The following DPY19L4 variants were observed in gnomAD, a reference collection of about 807,000 sequenced individuals.
The protein encoded by DPY19L4 is probable C-mannosyltransferase DPY19L4.
Under a neutral mutation model 102.8 loss-of-function variants are expected in DPY19L4, and 97 were observed. That is an observed-to-expected ratio of 0.94 (90% CI 0.80 to 1.12). The LOEUF is 1.12. Among genes scored for constraint, DPY19L4 ranks in the 50% most tolerant of loss-of-function variants. The probability of loss-of-function intolerance (pLI) is 0.00; values close to 1 mark genes in which losing one functional copy is unlikely to be tolerated. For missense variants in DPY19L4, 815 were observed against 850.4 expected (o/e 0.96, Z 0.52); for synonymous variants, 252 against 283.1 (o/e 0.89, Z 1.10).
Position 94,789,743 on chromosome 8 carries a change from T to C in DPY19L4, c.2008-3T>C. 6.3e-7 allele frequency: 1 copy of C among 1,588,624 alleles called. No individual in the cohort carries two copies. On this transcript the variant is annotated splice_region_variant and splice_polypyrimidine_tract_variant and intron_variant, in intron 18 of 18. Transcript: ENST00000414645. ...TAATATTATGTTTTATATCTTTTAA[T>C]AGATGGTTTGTGAAGAAGGTGACAA...
At chr8:94,775,041 A>G (rs1813112457) in intron 13 of DPY19L4, among the ~76,000 whole-genome samples, 1 of 152,198 alleles carries the variant, frequency 6.6e-6, no homozygotes, top group Non-Finnish European at 1.5e-5. Flanking sequence ...AGGCTAAAAA[A>G]TATTTCACTG....
chr8:94,777,639 A>T (rs1032007829), intron 13 of DPY19L4, 27 bp from the exon 14 acceptor site: 28 of 1,605,974 alleles, frequency 1.7e-5, no homozygotes, highest in Non-Finnish European at 2.2e-5. Context: ...AGGATGTCTC[A>T]TGTATGACTC....
intron 6 of DPY19L4, among the ~76,000 whole-genome samples, chr8:94,745,244 A>G (rs1157083653): frequency 6.6e-6 from 1 of 152,164 alleles, no homozygotes; most frequent in African/African-American, 2.4e-5. Context: ...GATAGGGGGA[A>G]AAAATCAGAG....
intron 13 of DPY19L4, among the ~76,000 whole-genome samples, chr8:94,770,921 CTTT>C (rs371611032): frequency 3.6e-5 from 5 of 139,236 alleles, no homozygotes; most frequent in Admixed American, 1.4e-4. Flanking sequence ...CAAAGATTGT[CTTT>C]TTTTTTTTTT....
chr8:94,720,932 T>TA (rs1241996986), intron 1 of DPY19L4, among the ~76,000 whole-genome samples: 1 of 151,638 alleles, frequency 6.6e-6, no homozygotes, highest in Admixed American at 6.6e-5. Context: ...CGATCTAATT[T>TA]AGACTCAAGC....
intron 2 of DPY19L4, among the ~76,000 whole-genome samples, chr8:94,727,688 T>C (rs898371539): frequency 6.6e-6 from 1 of 152,206 alleles, no homozygotes; most frequent in African/African-American, 2.4e-5. Context: ...CAGCATCAAA[T>C]TGTGACATTT....
rs766850630 is a variant in DPY19L4, at chr8:94,734,597, T to C, written c.128-33T>C. The C allele has an allele frequency of 7.6e-6, 12 of 1,584,418 alleles. No individual in the cohort carries two copies. The South Asian group carries it at 1.2e-4, about 16-fold the overall frequency. On this transcript the variant is annotated intron_variant, in intron 2 of 18. Coordinates refer to ENST00000414645, the MANE Select transcript of DPY19L4 (RefSeq NM_181787.3). ...ATTACATCATATCAAGGGTACATATTACCTTTTCATTACTTTTAATATACT... is the reference window on the plus strand; with the variant it reads ...ATTACATCATATCAAGGGTACATATCACCTTTTCATTACTTTTAATATACT...
At chr8:94,758,468 T>C (rs1369124734) in intron 7 of DPY19L4, among the ~76,000 whole-genome samples, 1 of 152,170 alleles carries the variant, frequency 6.6e-6, no homozygotes, top group Non-Finnish European at 1.5e-5. Flanking sequence ...AATCAAGACA[T>C]AGAACTCTTC....
intron 8 of DPY19L4, among the ~76,000 whole-genome samples, chr8:94,764,689 G>GTGTGTATATA (rs1415377058): frequency 4.6e-5 from 2 of 43,206 alleles, no homozygotes; most frequent in African/African-American, 2.3e-4. Context: ...GTCTGTGTGT[G>GTGTGTATATA]TATATATATA....
chr8:94,773,985 T>C (rs1813054968), intron 13 of DPY19L4, among the ~76,000 whole-genome samples: 1 of 138,062 alleles, frequency 7.2e-6, no homozygotes. Context: ...CAGTGAGCCA[T>C]GATCACACCA....
intron 18 of DPY19L4, among the ~76,000 whole-genome samples, chr8:94,788,404 A>G (rs1048875838): frequency 5.9e-5 from 9 of 152,176 alleles, no homozygotes; most frequent in African/African-American, 1.9e-4. Flanking sequence ...CTAAAGAGCA[A>G]CTGGTTACCT....
intron 12 of DPY19L4, 82 bp downstream of exon 12, chr8:94,768,635 G>A: frequency 1.2e-6 from 1 of 857,006 alleles, no homozygotes; most frequent in Non-Finnish European, 1.6e-6. Flanking sequence ...ATTCTTCCAA[G>A]ATTTCTGTAT....
In DPY19L4 at chr8:94,777,761, T is replaced by TAAG. The variant is rs1453433090; in HGVS notation, c.1553_1555dup (p.Arg518dup). On this transcript the variant is annotated inframe_insertion, in exon 14 of 19. Coordinates refer to ENST00000414645, the MANE Select transcript of DPY19L4 (RefSeq NM_181787.3). ...ATGACACTTTTCAAGTGGCTTCGAT[T>TAAG]AAGAACTGTACACCCAATATTGTTG... 1 of 1,614,008 alleles carries TAAG rather than the reference T, an allele frequency of 6.2e-7. No individual in the cohort carries two copies. Among genetic ancestry groups the TAAG allele is most frequent in the Non-Finnish European group, 8.5e-7 (1 of 1,179,948 alleles).
At chr8:94,734,203 T>C (rs558134064) in intron 2 of DPY19L4, among the ~76,000 whole-genome samples, 5 of 151,276 alleles carry the variant, frequency 3.3e-5, no homozygotes, top group African/African-American at 1.2e-4. Flanking sequence ...GGATTACAAG[T>C]GTGCGCCACC....
At chr8:94,773,073 G>A (rs1180531183) in intron 13 of DPY19L4, among the ~76,000 whole-genome samples, 1 of 151,990 alleles carries the variant, frequency 6.6e-6, no homozygotes, top group Admixed American at 6.6e-5. Flanking sequence ...AATTAGCTGG[G>A]TGTGGTGGCA....
At chr8:94,754,574 G>A (rs993736131) in intron 6 of DPY19L4, among the ~76,000 whole-genome samples, 1 of 152,122 alleles carries the variant, frequency 6.6e-6, no homozygotes, top group African/African-American at 2.4e-5. Context: ...TTATTACTTA[G>A]GAAAGTTAGG....
chr8:94,777,609 T>C, intron 13 of DPY19L4, 57 bp from the exon 14 acceptor site: 1 of 1,540,522 alleles, frequency 6.5e-7, no homozygotes, highest in Non-Finnish European at 8.8e-7. Context: ...GAACAAAAAT[T>C]AGATAATAAT....
At position 94,739,480 on chromosome 8, in the gene DPY19L4, GTC is replaced by G; in HGVS notation, c.415_416del (p.Leu139ValfsTer7). The G allele has an allele frequency of 6.2e-7, 1 of 1,609,150 alleles. No homozygotes were observed. Among genetic ancestry groups the G allele is most frequent in the Non-Finnish European group, 8.5e-7 (1 of 1,178,820 alleles). On this transcript the variant is annotated frameshift_variant, in exon 5 of 19. Coordinates refer to ENST00000414645, the MANE Select transcript of DPY19L4 (RefSeq NM_181787.3). LOFTEE classifies it high-confidence loss of function. Reference sequence around the variant, plus strand: ...AGACTATAAATGCAGTGCAGCAAATGTCTCTGTATCCGGAACTTATTGCTAGC... The same window carrying G: ...AGACTATAAATGCAGTGCAGCAAATGTCTGTATCCGGAACTTATTGCTAGC... ...LKTINAVQQM[S>X]LYPELIASIL...
intron 6 of DPY19L4, 107 bp from the exon 7 acceptor site, chr8:94,755,929 A>C (rs1387221136): frequency 8.3e-7 from 1 of 1,201,428 alleles, no homozygotes; most frequent in Non-Finnish European, 1.1e-6. Context: ...CCTACCTCAC[A>C]GGATTGTTAT....
Sources: allele counts gnomAD v4.1 joint callset (sites outside exome capture counted in the v4.1 genomes callset), GRCh38; gene constraint gnomAD v4.1.1; transcripts MANE v1.5; gene names NCBI Gene and HGNC (gene_info 2026-07-23, HGNC 2026-07-21).